Variants in NIPAL3 observed in about 807,000 individuals in gnomAD.
NIPAL3 encodes the protein NIPA like domain containing 3.
A neutral mutation model predicts 47.2 loss-of-function variants in NIPAL3; 41 were observed. The ratio of observed to expected loss-of-function variants is 0.87; its 90% CI spans 0.68 to 1.13. NIPAL3 has a LOEUF of 1.13. NIPAL3 is among the 50% of genes most tolerant of loss of function. The pLI, the probability that NIPAL3 is intolerant of heterozygous loss-of-function variation, is 0.00. For synonymous variants in NIPAL3, 194 were observed against 209.6 expected, an observed-to-expected ratio of 0.93 and a Z score of 0.64; for missense variants, 449 against 530.1, an observed-to-expected ratio of 0.85 and a Z score of 1.50.
intron 11 of NIPAL3, among the ~76,000 whole-genome samples, chr1:24,467,155 A>G (rs1364784793): frequency 6.6e-6 from 1 of 152,228 alleles, no homozygotes; most frequent in African/African-American, 2.4e-5. Flanking sequence ...GAAGCCACAC[A>G]GCATTCAGTT....
intron 5 of NIPAL3, among the ~76,000 whole-genome samples, chr1:24,446,546 A>G (rs7543045): frequency 0.11 from 17,368 of 151,898 alleles, 1,026 homozygotes; most frequent in African/African-American, 0.13. Context: ...CTGTTCCTGC[A>G]TTAGTTTGCT....
At chr1:24,438,443 G>A (rs2148799058) in intron 2 of NIPAL3, among the ~76,000 whole-genome samples, 2 of 152,338 alleles carry the variant, frequency 1.3e-5, no homozygotes, top group South Asian at 4.1e-4. Flanking sequence ...TTCAGTTGGT[G>A]GGCCTCCCTC....
At chr1:24,415,774 C>CA (rs1395471745), upstream of NIPAL3, 25 of 936,128 alleles carry the variant, frequency 2.7e-5, no homozygotes, top group Non-Finnish European at 3.1e-5. Context: ...CCTTTGAAAG[C>CA]AAAACACTGC....
rs1437530547 is a variant in NIPAL3 at position 24,470,253 on chromosome 1, A to C, written c.*1068A>C. ...GGGCTGTTGCTTTCTTCCTGGCCGC[A>C]TATGTGACTGTCTTCCCCTAGACTG... On this transcript the variant is annotated 3_prime_UTR_variant, in exon 12 of 12. Coordinates refer to ENST00000374399, the MANE Select transcript of NIPAL3 (RefSeq NM_020448.5). The C allele has an allele frequency of 1.3e-5, 2 of 152,208 alleles. No homozygotes were observed. The highest frequency in any genetic ancestry group is 3.8e-4 in the East Asian group (2 of 5,204). The allele number at this position is 152,208 out of a possible 1,614,324, so 9.4% of individuals were successfully genotyped here. A position where few individuals can be genotyped will look rare whatever the true frequency, so the allele number is the denominator to read the frequency against.
intron 2 of NIPAL3, among the ~76,000 whole-genome samples, chr1:24,427,105 G>A (rs568457860): frequency 1.5e-4 from 23 of 152,322 alleles, no homozygotes; most frequent in African/African-American, 5.5e-4. Context: ...GGTAGAGAAG[G>A]CTGCCAGCGG....
intron 11 of NIPAL3, chr1:24,465,401 A>G (rs1646654659): frequency 6.6e-6 from 1 of 151,484 alleles, no homozygotes; most frequent in African/African-American, 2.5e-5. Flanking sequence ...CTATGTGTAT[A>G]TATCAATATC....
At chr1:24,453,384 C>T in intron 6 of NIPAL3, 24 bp from the exon 7 acceptor site, 1 of 1,590,580 alleles carries the variant, frequency 6.3e-7, no homozygotes, top group South Asian at 1.1e-5. Context: ...CCCCACTGAC[C>T]CCCCTGCTTG....
intron 9 of NIPAL3, among the ~76,000 whole-genome samples, chr1:24,459,309 T>C (rs1646364619): frequency 6.6e-6 from 1 of 152,216 alleles, no homozygotes; most frequent in Non-Finnish European, 1.5e-5. Context: ...TGCTATCTTC[T>C]AGCTCCACAA....
At chr1:24,424,934 C>T (rs1247349244) in intron 2 of NIPAL3, among the ~76,000 whole-genome samples, 2 of 152,180 alleles carry the variant, frequency 1.3e-5, no homozygotes, top group African/African-American at 4.8e-5. Context: ...TTAAGTCCAG[C>T]TTGATGGGTG....
At position 24,454,039 on chromosome 1, in the gene NIPAL3, T is replaced by C; in HGVS notation, c.637+535T>C. 1 of 526,872 alleles carries C rather than the reference T, an allele frequency of 1.9e-6. No individual in the cohort carries two copies. Among genetic ancestry groups the C allele is most frequent in the Non-Finnish European group, 3.4e-6 (1 of 293,398 alleles). The allele number at this position is 526,872 out of a possible 1,614,324, so 32.6% of individuals were successfully genotyped here. ...CTGCATATTAATTTTTCCTTTTTTT[T>C]TTTTTTTGAGACAGTCTTGCTCTGT... On this transcript the variant is annotated intron_variant, in intron 7 of 11. Coordinates refer to ENST00000374399, the MANE Select transcript of NIPAL3 (RefSeq NM_020448.5). The surrounding 1 kb of genome is among the most constrained non-coding windows in gnomAD (Gnocchi z 4.1).
At chr1:24,428,254 A>AG (rs1644694394) in intron 2 of NIPAL3, among the ~76,000 whole-genome samples, 2 of 54,132 alleles carry the variant, frequency 3.7e-5, no homozygotes, top group African/African-American at 5.9e-5. Context: ...CTGTCTCAAA[A>AG]AGAAAGAGAG....
chr1:24,458,754 G>C, intron 8 of NIPAL3, 134 bp from the exon 9 acceptor site: 1 of 674,362 alleles, frequency 1.5e-6, no homozygotes, highest in Non-Finnish European at 2.7e-6. Flanking sequence ...TAACATGAGG[G>C]TGGCATTTTT....
chr1:24,449,746 A>T lies in NIPAL3; in HGVS notation c.540+120A>T, dbSNP rs1645847948. 1.1e-5 allele frequency: 12 copies of T among 1,098,782 alleles called. No individual in the cohort carries two copies. The highest frequency in any genetic ancestry group is 1.4e-5 in the Non-Finnish European group (11 of 780,404). 68.1% of individuals were successfully genotyped at this position (1,098,782 alleles called of 1,614,324 possible). A position where few individuals can be genotyped will look rare whatever the true frequency, so the allele number is the denominator to read the frequency against. ...GTGAGTTGCGGCACATTTTACCAGC[A>T]TGAAAGACCGTGCTTCTGGAGAGTA... On this transcript the variant is annotated intron_variant, in intron 6 of 11. Coordinates refer to ENST00000374399, the MANE Select transcript of NIPAL3 (RefSeq NM_020448.5). The surrounding 1 kb of genome is among the most constrained non-coding windows in gnomAD (Gnocchi z 4.5).
At chr1:24,413,701 G>GC (rs1218725173), upstream of NIPAL3, 1 of 152,296 alleles carries the variant, frequency 6.6e-6, no homozygotes, top group African/African-American at 2.4e-5. Context: ...GCTGAATCTG[G>GC]CCAGCCCAAC....
chr1:24,446,210 T>C (rs553502349), intron 5 of NIPAL3, among the ~76,000 whole-genome samples: 15 of 152,146 alleles, frequency 9.9e-5, no homozygotes, highest in African/African-American at 3.6e-4. Context: ...ACTGGGGAGA[T>C]GGGAACACTT....
At chr1:24,460,879 C>T (rs187312147) in intron 10 of NIPAL3, among the ~76,000 whole-genome samples, 2 of 152,274 alleles carry the variant, frequency 1.3e-5, no homozygotes, top group Admixed American at 1.3e-4. Context: ...TAGTATTCCA[C>T]ATTGGCAAGA....
At chr1:24,418,607 C>CA (rs1328288767) in intron 1 of NIPAL3, among the ~76,000 whole-genome samples, 2 of 151,856 alleles carry the variant, frequency 1.3e-5, no homozygotes, top group African/African-American at 4.8e-5. Context: ...ATTCTGTCTC[C>CA]AAAAAAAGGA....
chr1:24,436,746 G>T (rs967555066), intron 2 of NIPAL3, among the ~76,000 whole-genome samples: 1 of 151,826 alleles, frequency 6.6e-6, no homozygotes, highest in African/African-American at 2.4e-5. Context: ...TGATTCACCC[G>T]CCTTGGCCTC....
chr1:24,453,519 G>A lies in NIPAL3; in HGVS notation c.637+15G>A. The A allele has an allele frequency of 6.2e-7, 1 of 1,601,594 alleles. No homozygotes were observed. Among genetic ancestry groups the A allele is most frequent in the Non-Finnish European group, 8.5e-7 (1 of 1,170,804 alleles). ...GGCGTTACTTGGTAAGTTGGCATCTGGATGATTGAGTTTTGCCACCACCAA... is the reference window on the plus strand; with the variant it reads ...GGCGTTACTTGGTAAGTTGGCATCTAGATGATTGAGTTTTGCCACCACCAA... On this transcript the variant is annotated intron_variant, in intron 7 of 11. Transcript: ENST00000374399.
Sources: gnomAD v4.1 joint callset for allele counts (sites outside exome capture counted in the v4.1 genomes callset) on GRCh38, gnomAD v4.1.1 for gene constraint, Gnocchi (gnomAD v3.1) non-coding constraint, MANE v1.5 for transcripts, NCBI Gene and HGNC (gene_info 2026-07-23, HGNC 2026-07-21) for gene names.